Variants in MTUS2 observed in about 807,000 individuals in gnomAD.
MTUS2 encodes the protein microtubule associated scaffold protein 2.
In MTUS2, 40 loss-of-function variants were observed where a neutral mutation model predicts 114.1. That is an observed-to-expected ratio of 0.35 (90% confidence interval 0.27 to 0.46). The LOEUF (loss-of-function observed/expected upper bound fraction) is 0.46. Among genes scored for constraint, MTUS2 ranks in the 20% least tolerant of loss-of-function variants. The pLI, the probability that MTUS2 is intolerant of heterozygous loss-of-function variation, is 1.00. For missense variants in MTUS2, 1,679 were observed against 1,705.4 expected (o/e 0.98, Z 0.27); for synonymous variants, 688 against 672.0 (o/e 1.02, Z -0.37).
At chr13:28,841,156 T>C (rs1875455261) in intron 2 of MTUS2, among the ~76,000 whole-genome samples, 2 of 152,234 alleles carry the variant, frequency 1.3e-5, no homozygotes, top group Admixed American at 1.3e-4. Flanking sequence ...TACTTACAAA[T>C]TTTTGTAATT....
chr13:29,193,509 T>A (rs1195283307), intron 5 of MTUS2, among the ~76,000 whole-genome samples: 2 of 151,970 alleles, frequency 1.3e-5, no homozygotes, highest in Non-Finnish European at 2.9e-5. Flanking sequence ...TCAAAGAGAA[T>A]AAAATACCTA....
intron 3 of MTUS2, among the ~76,000 whole-genome samples, chr13:29,029,107 G>T (rs1449743797): frequency 6.6e-6 from 1 of 152,218 alleles, no homozygotes; most frequent in Non-Finnish European, 1.5e-5. Flanking sequence ...CCTTGCCGCA[G>T]GTCCTTAGCA....
At chr13:29,458,130 T>C (rs1475415711) in intron 9 of MTUS2, among the ~76,000 whole-genome samples, 3 of 152,196 alleles carry the variant, frequency 2.0e-5, no homozygotes, top group African/African-American at 7.2e-5. Context: ...TATAGTGCTA[T>C]GTGTCTTCTT....
intron 5 of MTUS2, among the ~76,000 whole-genome samples, chr13:29,160,589 CA>C (rs1332386912): frequency 2.0e-5 from 3 of 151,948 alleles, no homozygotes; most frequent in Non-Finnish European, 4.4e-5. Context: ...GCTAACATGG[CA>C]AAACCCTGTC....
rs1188353965 is a variant in MTUS2, at chr13:29,001,942, T to A, written c.-242-22515T>A. Among the ~76,000 whole-genome samples, 6 of 152,144 alleles carry A rather than the reference T, an allele frequency of 3.9e-5. No individual in the cohort carries two copies. The South Asian group carries it at 6.2e-4, about 16-fold the overall frequency. ...ATTCAGGTCGCCTCTGTATCTCACATTTTGTGAGATACATTTCTCCAGCTT... is the reference window on the plus strand; with the variant it reads ...ATTCAGGTCGCCTCTGTATCTCACAATTTGTGAGATACATTTCTCCAGCTT... On this transcript the variant is annotated intron_variant, in intron 2 of 15. Transcript: ENST00000612955.
At chr13:29,350,958 T>C (rs1392022592) in intron 7 of MTUS2, among the ~76,000 whole-genome samples, 1 of 33,398 alleles carries the variant, frequency 3.0e-5, no homozygotes, top group Non-Finnish European at 9.9e-5. Flanking sequence ...ATATATATAT[T>C]TCATATATAT....
At chr13:28,845,009 G>A (rs1398459397) in intron 2 of MTUS2, among the ~76,000 whole-genome samples, 1 of 152,156 alleles carries the variant, frequency 6.6e-6, no homozygotes, top group Admixed American at 6.5e-5. Flanking sequence ...AGGCTGGAGT[G>A]TGATGGTGTG....
intron 2 of MTUS2, among the ~76,000 whole-genome samples, chr13:28,989,847 GTTTTGTTTTTTTTTTT>G (rs1354153374): frequency 9.7e-6 from 1 of 103,282 alleles, no homozygotes; most frequent in Admixed American, 1.3e-4. Flanking sequence ...TTTTTGTTTT[GTTTTGTTTTTTTTTTT>G]TTTTGCAGAA....
intron 8 of MTUS2, among the ~76,000 whole-genome samples, chr13:29,432,904 C>T (rs1877114269): frequency 6.6e-6 from 1 of 152,174 alleles, no homozygotes; most frequent in Non-Finnish European, 1.5e-5. Context: ...CCTCACTGTT[C>T]CTCCCAGGTA....
intron 2 of MTUS2, among the ~76,000 whole-genome samples, chr13:28,981,479 GTAGT>G (rs1403256800): frequency 1.3e-5 from 2 of 152,160 alleles, no homozygotes; most frequent in African/African-American, 4.8e-5. Context: ...GACTATGGTA[GTAGT>G]TACAGGATTT....
intron 2 of MTUS2, among the ~76,000 whole-genome samples, chr13:29,021,870 G>C (rs1245955773): frequency 6.6e-6 from 1 of 152,188 alleles, no homozygotes; most frequent in East Asian, 1.9e-4. Context: ...TGTGATCAGG[G>C]TATGAGCAAC....
At chr13:29,394,235 G>A (rs1249389623) in intron 8 of MTUS2, among the ~76,000 whole-genome samples, 2 of 152,128 alleles carry the variant, frequency 1.3e-5, no homozygotes, top group African/African-American at 4.8e-5. Context: ...AAGGTGATTG[G>A]GTTACAACTT....
chr13:29,038,919 C>T (rs1323404618), intron 4 of MTUS2, among the ~76,000 whole-genome samples: 1 of 152,236 alleles, frequency 6.6e-6, no homozygotes, highest in East Asian at 1.9e-4. Flanking sequence ...GCGGGCGGGC[C>T]TGGGGTGCCG....
chr13:29,103,300 G>T (rs1238226762), intron 5 of MTUS2, among the ~76,000 whole-genome samples: 1 of 152,166 alleles, frequency 6.6e-6, no homozygotes, highest in Admixed American at 6.5e-5. Context: ...CACAAACCTA[G>T]ATGACATAGC....
At chr13:28,907,642 A>G (rs928661490) in intron 2 of MTUS2, among the ~76,000 whole-genome samples, 1 of 151,534 alleles carries the variant, frequency 6.6e-6, no homozygotes, top group Admixed American at 6.6e-5. Context: ...AACAAAGATC[A>G]AAAGAGACAA....
In MTUS2 at chr13:28,979,003, G is replaced by A. The variant is rs141488013; in HGVS notation, c.-242-45454G>A. On this transcript the variant is annotated intron_variant, in intron 2 of 15. Transcript: ENST00000612955. ...GGAAAGCAGCCCCGTGGATCATTCA[G>A]AAGAGAGGCAAGTCCCCTTCTACAC... Among the ~76,000 whole-genome samples, 1,156 of 152,318 alleles carry A rather than the reference G, an allele frequency of 7.6e-3. 16 individuals carry two copies. The highest frequency in any genetic ancestry group is 0.026 in the African/African-American group (1,088 of 41,558).
intron 5 of MTUS2, among the ~76,000 whole-genome samples, chr13:29,190,169 A>G (rs1318497693): frequency 6.6e-6 from 1 of 152,230 alleles, no homozygotes; most frequent in African/African-American, 2.4e-5. Flanking sequence ...GTATTTCGTT[A>G]TAGCAGCCTA....
chr13:29,284,381 A>G (rs1353784324), intron 6 of MTUS2, among the ~76,000 whole-genome samples: 1 of 146,484 alleles, frequency 6.8e-6, no homozygotes, highest in Non-Finnish European at 1.5e-5. Context: ...AGAAAAAGCA[A>G]TAGAAGAATA....
intron 9 of MTUS2, among the ~76,000 whole-genome samples, chr13:29,453,598 AG>A (rs1878899116): frequency 6.6e-6 from 1 of 152,172 alleles, no homozygotes; most frequent in Non-Finnish European, 1.5e-5. Context: ...AAAAGGAGGT[AG>A]GGGAAAAACA....
Sources: gnomAD v4.1 joint callset for allele counts (sites outside exome capture counted in the v4.1 genomes callset) on GRCh38, gnomAD v4.1.1 for gene constraint, MANE v1.5 for transcripts, NCBI Gene and HGNC (gene_info 2026-07-23, HGNC 2026-07-21) for gene names.